Variants in ZNF777 observed in about 807,000 individuals in gnomAD.
ZNF777 encodes the protein zinc finger protein 777.
In ZNF777, 7 loss-of-function variants were observed where a neutral mutation model predicts 72.1. The ratio of observed to expected loss-of-function variants is 0.10; its 90% CI spans 0.06 to 0.18. ZNF777 has a LOEUF of 0.18. Ranked by LOEUF, ZNF777 falls within the 10% of genes least tolerant of loss-of-function variation. The probability of loss-of-function intolerance (pLI) is 1.00; values close to 1 mark genes in which losing one functional copy is unlikely to be tolerated. For missense variants in ZNF777, 828 were observed against 1,128.6 expected, an observed-to-expected ratio of 0.73 and a Z score of 3.82; for synonymous variants, 545 against 483.5, an observed-to-expected ratio of 1.13 and a Z score of -1.67.
At chr7:149,452,814 A>G (rs1181902925) in intron 3 of ZNF777, among the ~76,000 whole-genome samples, 1 of 152,214 alleles carries the variant, frequency 6.6e-6, no homozygotes, top group African/African-American at 2.4e-5. Flanking sequence ...CAGTAGCCAT[A>G]AAACTATAAA....
At chr7:149,442,026 GC>G (rs977987041) in intron 4 of ZNF777, among the ~76,000 whole-genome samples, 2 of 151,454 alleles carry the variant, frequency 1.3e-5, no homozygotes, top group African/African-American at 4.9e-5. Context: ...GACCAGCCTG[GC>G]CATCGTGGTG....
In ZNF777 at chr7:149,432,442, C is replaced by G; in HGVS notation, c.1830G>C (p.Thr610=). 6 of 1,613,438 alleles carry G rather than the reference C, an allele frequency of 3.7e-6. No individual in the cohort carries two copies. The highest frequency in any genetic ancestry group is 5.1e-6 in the Non-Finnish European group (6 of 1,179,886). The change falls in exon 6 of 6, where the codon ACG becomes ACC. Residue 610 remains threonine (T), a synonymous_variant. Transcript: ENST00000247930. ...GCTTGAGCGCGTGCTTGGGGTTGAA[C>G]GTGGGCCCGCGTTCGGGTGAGACGC... ...GGCVSPERGP[T]FNPKHALKPR... is the part of the protein sequence containing the mutation.
chr7:149,447,513 C>T (rs1473251407), intron 4 of ZNF777, among the ~76,000 whole-genome samples: 3 of 152,216 alleles, frequency 2.0e-5, no homozygotes, highest in African/African-American at 7.2e-5. Flanking sequence ...TTAGCACCTC[C>T]CCAGCCCTCC....
At position 149,455,185 on chromosome 7, in the gene ZNF777, C is replaced by T. The variant is rs1799801144; in HGVS notation, c.838G>A (p.Val280Ile). ...LRLPPGSNGE[V>I]PKVPVTFDDV... ...AGTTGGGATGTGCTTACCTTGGGAA[C>T]TTCTCCATTGCTGCCGGGGGGCAGC... is the stretch of plus-strand genomic sequence containing the variant. Residue 280 changes from valine (V) to isoleucine (I), a missense_variant, in exon 2 of 6, where the codon GTT becomes ATT. This residue lies in a region of ZNF777 where 76 missense variants were observed against 157.3 expected (regional missense o/e 0.48). Transcript: ENST00000247930. The surrounding 1 kb of genome is among the most constrained non-coding windows in gnomAD (Gnocchi z 4.2). The T allele has an allele frequency of 1.9e-6, 3 of 1,611,322 alleles. No homozygotes were observed. The highest frequency in any genetic ancestry group is 2.2e-5 in the East Asian group (1 of 44,890).
At chr7:149,437,040 T>C (rs928810825) in intron 4 of ZNF777, among the ~76,000 whole-genome samples, 1 of 152,152 alleles carries the variant, frequency 6.6e-6, no homozygotes, top group Non-Finnish European at 1.5e-5. Flanking sequence ...CAAGTTAAAA[T>C]AGATGCAAAG....
chr7:149,453,959 A>G, intron 3 of ZNF777, 152 bp downstream of exon 3: 1 of 1,140,080 alleles, frequency 8.8e-7, no homozygotes. Flanking sequence ...TGGGTATATG[A>G]GGGCGTTTGC....
Position 149,436,921 on chromosome 7 carries a change from A to C in ZNF777, c.1088-95T>G. ...CTGCAGCCCTACAATTTACATCTCA[A>C]TAAGTCTTATCTTAGAGACCCTGAA... On this transcript the variant is annotated intron_variant, in intron 4 of 5. Coordinates refer to ENST00000247930, the MANE Select transcript of ZNF777 (RefSeq NM_015694.3). The surrounding 1 kb of genome is among the most constrained non-coding windows in gnomAD (Gnocchi z 5.0). 2 of 1,446,072 alleles carry C rather than the reference A, an allele frequency of 1.4e-6. No individual in the cohort carries two copies. The highest frequency in any genetic ancestry group is 1.4e-5 in the African/African-American group (1 of 70,934). 89.6% of individuals were successfully genotyped at this position (1,446,072 alleles called of 1,614,324 possible).
In ZNF777 at chr7:149,436,672, G is replaced by T; in HGVS notation, c.1242C>A (p.Asp414Glu). The change falls in exon 5 of 6, where the codon GAC (aspartate) becomes GAA (glutamate). Residue 414 changes from aspartate (D) to glutamate (E), a missense_variant. Coordinates refer to ENST00000247930, the MANE Select transcript of ZNF777 (RefSeq NM_015694.3). The surrounding 1 kb of genome is among the most constrained non-coding windows in gnomAD (Gnocchi z 5.0). Reference sequence around the variant, plus strand: ...CCAGCGTGTTCTCTGGCTCCTGCATGTCCAGGTCTGGCTGTTCCCCACAGG... The same window carrying T: ...CCAGCGTGTTCTCTGGCTCCTGCATTTCCAGGTCTGGCTGTTCCCCACAGG... The part of the protein sequence containing the change: ...GDPCGEQPDL[D>E]MQEPENTLEE... The T allele has an allele frequency of 6.2e-7, 1 of 1,614,132 alleles. No homozygotes were observed. The highest frequency in any genetic ancestry group is 1.1e-5 in the South Asian group (1 of 91,088).
rs1799347565 is a variant in ZNF777 at position 149,432,924 on chromosome 7, C to T, written c.1348G>A (p.Val450Met). Residue 450 changes from valine to methionine, a missense_variant, in exon 6 of 6, where the codon GTG (valine) becomes ATG (methionine). Val to Met is a conservative substitution (Grantham distance 21). Coordinates refer to ENST00000247930, the MANE Select transcript of ZNF777 (RefSeq NM_015694.3). ...VQQRNCTEGI[V>M]IKTEEQDEEE... is the part of the protein sequence containing the mutation. ...TCGTCTTGTTCCTCTGTCTTGATCA[C>T]GATCCCCTCTGCTCCAGGGACAGAG... 1.4e-6 allele frequency: 2 copies of T among 1,480,706 alleles called. No homozygotes were observed. The highest frequency in any genetic ancestry group is 1.4e-5 in the African/African-American group (1 of 70,936). 91.7% of individuals were successfully genotyped at this position (1,480,706 alleles called of 1,614,324 possible). A position where few individuals can be genotyped will look rare whatever the true frequency, so the allele number is the denominator to read the frequency against.
chr7:149,445,861 G>A (rs1258650700), intron 4 of ZNF777, among the ~76,000 whole-genome samples: 1 of 152,170 alleles, frequency 6.6e-6, no homozygotes, highest in Non-Finnish European at 1.5e-5. Context: ...TCAGCCAGCT[G>A]TCTGTGTTTA....
chr7:149,448,595 A>C (rs1290767230), intron 4 of ZNF777, among the ~76,000 whole-genome samples: 2 of 143,128 alleles, frequency 1.4e-5, no homozygotes, highest in East Asian at 4.0e-4. Flanking sequence ...ATATATATAT[A>C]TATATATATA....
chr7:149,435,560 T>C (rs950970715), intron 5 of ZNF777, among the ~76,000 whole-genome samples: 2 of 152,230 alleles, frequency 1.3e-5, no homozygotes, highest in African/African-American at 4.8e-5. Flanking sequence ...ATAGAGGAAT[T>C]ATCTACAGAT....
At chr7:149,448,588 T>A (rs1250687303) in intron 4 of ZNF777, among the ~76,000 whole-genome samples, 1 of 45,690 alleles carries the variant, frequency 2.2e-5, no homozygotes, top group East Asian at 9.0e-4. Flanking sequence ...ACTATATATA[T>A]ATATATATAT....
In ZNF777 at chr7:149,450,887, C is replaced by A. The variant is rs1234813499; in HGVS notation, c.1087+112G>T. ...GTCCTGGCACCTGCGGGCCTCCTTCCTGCTAACATATCCTGGCAGGGCCTA... is the reference window on the plus strand; with the variant it reads ...GTCCTGGCACCTGCGGGCCTCCTTCATGCTAACATATCCTGGCAGGGCCTA... On this transcript the variant is annotated intron_variant, in intron 4 of 5. Transcript: ENST00000247930. The A allele has an allele frequency of 1.1e-5, 10 of 940,038 alleles. No homozygotes were observed. In the Admixed American group the frequency reaches 2.0e-4, roughly 19 times the overall value. The allele number at this position is 940,038 out of a possible 1,614,324, so 58.2% of individuals were successfully genotyped here. A position where few individuals can be genotyped will look rare whatever the true frequency, so the allele number is the denominator to read the frequency against.
chr7:149,432,851 G>A lies in ZNF777; in HGVS notation c.1421C>T (p.Ser474Phe). Residue 474 changes from serine (S) to phenylalanine (F), a missense_variant, in exon 6 of 6, where the codon TCC becomes TTC. Ser to Phe is a radical substitution (Grantham distance 155, BLOSUM62 -2). Transcript: ENST00000247930. ...EEDELPQHLQ[S>F]LGQLSGRYEA... ...ATATCTCCCGGACAGCTGCCCAAGG[G>A]ATTGCAAGTGCTGCGGCAGCTCATC... The A allele has an allele frequency of 6.3e-7, 1 of 1,581,318 alleles. No individual in the cohort carries two copies. Among genetic ancestry groups the A allele is most frequent in the Non-Finnish European group, 8.6e-7 (1 of 1,162,710 alleles).
rs771564431 is a variant in ZNF777, at chr7:149,432,945, CAGAG to C, written c.1340-17_1340-14del. On this transcript the variant is annotated splice_polypyrimidine_tract_variant and intron_variant, in intron 5 of 5. Transcript: ENST00000247930. ...ATCACGATCCCCTCTGCTCCAGGGA[CAGAG>C]AGAGAAAGTCGTTAGCTGCTGCCTG... 4.8e-6 allele frequency: 7 copies of C among 1,457,156 alleles called. No homozygotes were observed. Among genetic ancestry groups the C allele is most frequent in the South Asian group, 1.5e-5 (1 of 68,350 alleles). The allele number at this position is 1,457,156 out of a possible 1,614,324, so 90.3% of individuals were successfully genotyped here. A position where few individuals can be genotyped will look rare whatever the true frequency, so the allele number is the denominator to read the frequency against.
rs749840616 is a variant in ZNF777, at chr7:149,432,474, C to T, written c.1798G>A (p.Gly600Arg). Reference sequence around the variant, plus strand: ...CCGCGTTCGGGTGAGACGCAGCCTCCGCGCACGCGGTGGATGCGCTGGTGC... The same window carrying T: ...CCGCGTTCGGGTGAGACGCAGCCTCTGCGCACGCGGTGGATGCGCTGGTGC... ...TLHQRIHRVRGGCVSPERGPT... is the reference protein window; with the variant it reads ...TLHQRIHRVRRGCVSPERGPT... The change falls in exon 6 of 6, where the codon GGA (glycine) becomes AGA (arginine). Residue 600 changes from glycine to arginine, a missense_variant. Physicochemically the swap from Gly to Arg is moderately radical, Grantham distance 125 (BLOSUM62 -2). This residue lies in a region of ZNF777 where 100 missense variants were observed against 106.2 expected (regional missense o/e 0.94). Coordinates refer to ENST00000247930, the MANE Select transcript of ZNF777 (RefSeq NM_015694.3). 1.8e-5 allele frequency: 29 copies of T among 1,613,566 alleles called. No individual in the cohort carries two copies. The highest frequency in any genetic ancestry group is 2.2e-5 in the Non-Finnish European group (26 of 1,179,872).
rs779602037 is a variant in ZNF777, at chr7:149,431,761, C to T, written c.*15G>A. On this transcript the variant is annotated 3_prime_UTR_variant, in exon 6 of 6. Transcript: ENST00000247930. ...GCCCGCGCACCTGGCCGGGCGGCGG[C>T]GGCGGGGCGCGCGCTCACTCGCCCG... 53 of 1,478,670 alleles carry T rather than the reference C, an allele frequency of 3.6e-5. No individual in the cohort carries two copies. Among genetic ancestry groups the T allele is most frequent in the Middle Eastern group, 3.9e-4 (2 of 5,092 alleles). 91.6% of individuals were successfully genotyped at this position (1,478,670 alleles called of 1,614,324 possible).
At chr7:149,459,840 G>C (rs1217434223) in intron 1 of ZNF777, 1 of 984,520 alleles carries the variant, frequency 1.0e-6, no homozygotes, top group Non-Finnish European at 1.2e-6. Context: ...GGCCCCGCAG[G>C]GAGCGAGCGC....
Sources: gnomAD v4.1 joint callset for allele counts (sites outside exome capture counted in the v4.1 genomes callset) on GRCh38, gnomAD v4.1.1 for gene constraint, gnomAD v4.1.1 regional missense constraint, Gnocchi (gnomAD v3.1) non-coding constraint, MANE v1.5 for transcripts, NCBI Gene and HGNC (gene_info 2026-07-23, HGNC 2026-07-21) for gene names.